ZFPM2: variants seen among roughly 807,000 people sequenced by gnomAD.
The protein encoded by ZFPM2 is zinc finger protein, FOG family member 2.
A neutral mutation model predicts 98.6 loss-of-function variants in ZFPM2; 20 were observed. The observed-to-expected ratio is 0.20, with a 90% CI of 0.14 to 0.29. The LOEUF is 0.29. Among genes scored for constraint, ZFPM2 ranks in the 10% least tolerant of loss-of-function variants. The probability of loss-of-function intolerance (pLI) is 1.00; values close to 1 mark genes in which losing one functional copy is unlikely to be tolerated. For synonymous variants in ZFPM2, 518 were observed against 502.7 expected, an observed-to-expected ratio of 1.03 and a Z score of -0.41; for missense variants, 1,310 against 1,388.6, an observed-to-expected ratio of 0.94 and a Z score of 0.90.
chr8:105,506,623 A>G (rs1254013105), intron 3 of ZFPM2, among the ~76,000 whole-genome samples: 1 of 152,184 alleles, frequency 6.6e-6, no homozygotes, highest in Non-Finnish European at 1.5e-5. Flanking sequence ...TTTTACTTAT[A>G]AGAAACATTA....
chr8:105,725,327 A>G (rs986943694), intron 5 of ZFPM2, among the ~76,000 whole-genome samples: 1 of 151,828 alleles, frequency 6.6e-6, no homozygotes. Context: ...TTCTGAAAAA[A>G]AATTCTCTGA....
At chr8:105,480,941 G>A (rs1399276624) in intron 3 of ZFPM2, among the ~76,000 whole-genome samples, 2 of 151,922 alleles carry the variant, frequency 1.3e-5, no homozygotes, top group South Asian at 2.1e-4. Context: ...TAGTAGAGAC[G>A]GGGTTTCACT....
chr8:105,643,774 T>A (rs1289447495), intron 5 of ZFPM2, among the ~76,000 whole-genome samples: 1 of 152,128 alleles, frequency 6.6e-6, no homozygotes, highest in African/African-American at 2.4e-5. Flanking sequence ...TTTAACATCC[T>A]CTGTTAAATA....
At chr8:105,496,670 T>A (rs1813473952) in intron 3 of ZFPM2, among the ~76,000 whole-genome samples, 1 of 125,216 alleles carries the variant, frequency 8.0e-6, no homozygotes, top group African/African-American at 3.1e-5. Flanking sequence ...TTTTGTTTTT[T>A]TGGTTTTTTT....
intron 5 of ZFPM2, among the ~76,000 whole-genome samples, chr8:105,738,072 C>G (rs1486001100): frequency 6.6e-6 from 1 of 151,752 alleles, no homozygotes; most frequent in Non-Finnish European, 1.5e-5. Flanking sequence ...TGTTGTATAA[C>G]TAAACTTGTG....
chr8:105,570,509 G>C (rs1289157736), intron 4 of ZFPM2, among the ~76,000 whole-genome samples: 1 of 152,152 alleles, frequency 6.6e-6, no homozygotes, highest in African/African-American at 2.4e-5. Context: ...GAAGGGATTT[G>C]CTGTGTTATA....
At chr8:105,334,241 G>A (rs572369816) in intron 1 of ZFPM2, among the ~76,000 whole-genome samples, 1 of 150,778 alleles carries the variant, frequency 6.6e-6, no homozygotes, top group Admixed American at 6.6e-5. Context: ...CTTCCCTTAG[G>A]TTGTGTAGTT....
intron 1 of ZFPM2, among the ~76,000 whole-genome samples, chr8:105,364,940 G>T (rs1189604406): frequency 6.6e-6 from 1 of 151,954 alleles, no homozygotes; most frequent in Non-Finnish European, 1.5e-5. Context: ...TTAGTCCTTC[G>T]CTTTCTATTC....
chr8:105,407,477 T>G (rs1220931604), intron 1 of ZFPM2, among the ~76,000 whole-genome samples: 4 of 151,930 alleles, frequency 2.6e-5, no homozygotes, highest in Non-Finnish European at 5.9e-5. Context: ...TCCAGTTAAA[T>G]GTATTTGTCT....
chr8:105,390,872 G>T (rs1314662137), intron 1 of ZFPM2, among the ~76,000 whole-genome samples: 1 of 152,112 alleles, frequency 6.6e-6, no homozygotes, highest in Admixed American at 6.6e-5. Flanking sequence ...ACTGCAGACT[G>T]ATATGAAGGA....
chr8:105,411,727 A>T (rs865921677), intron 1 of ZFPM2, among the ~76,000 whole-genome samples: 10 of 151,846 alleles, frequency 6.6e-5, no homozygotes, highest in African/African-American at 2.4e-4. Context: ...CTGAGACCTG[A>T]TTACAAAATA....
intron 3 of ZFPM2, among the ~76,000 whole-genome samples, chr8:105,557,397 A>C (rs2130687117): frequency 6.6e-6 from 1 of 152,266 alleles, no homozygotes. Flanking sequence ...TAGCTACTTT[A>C]ATATCAACAT....
chr8:105,374,966 T>G (rs1249874817), intron 1 of ZFPM2, among the ~76,000 whole-genome samples: 1 of 152,136 alleles, frequency 6.6e-6, no homozygotes, highest in Non-Finnish European at 1.5e-5. Context: ...CTGCAGGGAC[T>G]GTCTGCCCAA....
At chr8:105,348,058 G>T (rs1372338649) in intron 1 of ZFPM2, among the ~76,000 whole-genome samples, 1 of 152,030 alleles carries the variant, frequency 6.6e-6, no homozygotes, top group Non-Finnish European at 1.5e-5. Context: ...TTTAAATGTT[G>T]GGACAAAATC....
At chr8:105,765,426 C>T (rs1449951634) in intron 5 of ZFPM2, among the ~76,000 whole-genome samples, 1 of 151,794 alleles carries the variant, frequency 6.6e-6, no homozygotes, top group Non-Finnish European at 1.5e-5. Flanking sequence ...TTTTGATTCA[C>T]CGTAAAATTC....
At chr8:105,451,370 C>T (rs776257015) in intron 3 of ZFPM2, among the ~76,000 whole-genome samples, 11 of 152,130 alleles carry the variant, frequency 7.2e-5, no homozygotes, top group Non-Finnish European at 1.6e-4. Flanking sequence ...CTCTCTAAAA[C>T]TTACTGATGA....
rs563948539 is a variant in ZFPM2 at position 105,418,874 on chromosome 8, G to C, written c.41-270G>C. ...AGAGCGAATCAAAAAAATAAGTTTGGGGCTTGAGGTTGGGGGTGGGGACGC... is the reference window on the plus strand; with the variant it reads ...AGAGCGAATCAAAAAAATAAGTTTGCGGCTTGAGGTTGGGGGTGGGGACGC... On this transcript the variant is annotated intron_variant, in intron 1 of 7. Coordinates refer to ENST00000407775, the MANE Select transcript of ZFPM2 (RefSeq NM_012082.4). 2.0e-5 allele frequency: 11 copies of C among 562,648 alleles called. No individual in the cohort carries two copies. The East Asian group carries it at 3.3e-4, about 17-fold the overall frequency. 34.9% of individuals were successfully genotyped at this position (562,648 alleles called of 1,614,324 possible).
At chr8:105,775,663 G>T (rs144998305) in intron 5 of ZFPM2, among the ~76,000 whole-genome samples, 1 of 152,046 alleles carries the variant, frequency 6.6e-6, no homozygotes, top group Non-Finnish European at 1.5e-5. Flanking sequence ...TTGACAGCTC[G>T]CCTTTGGGGT....
intron 3 of ZFPM2, among the ~76,000 whole-genome samples, chr8:105,509,025 G>T (rs1195506117): frequency 1.3e-5 from 2 of 152,124 alleles, no homozygotes; most frequent in African/African-American, 4.8e-5. Flanking sequence ...GGTTCCTGAA[G>T]GGAGCGGTGC....
Sources: gnomAD v4.1 joint callset for allele counts (sites outside exome capture counted in the v4.1 genomes callset) on GRCh38, gnomAD v4.1.1 for gene constraint, MANE v1.5 for transcripts, NCBI Gene and HGNC (gene_info 2026-07-23, HGNC 2026-07-21) for gene names.